MBD5: variants seen among roughly 807,000 people sequenced by gnomAD.
MBD5 encodes the protein methyl-CpG binding domain protein 5.
Under a neutral mutation model 117.3 loss-of-function variants are expected in MBD5, and 13 were observed. The observed-to-expected ratio is 0.11, with a 90% CI of 0.07 to 0.18. MBD5 has a LOEUF of 0.18. Ranked by LOEUF, MBD5 falls within the 10% of genes least tolerant of loss-of-function variation. The probability of loss-of-function intolerance (pLI) is 1.00; values close to 1 mark genes in which losing one functional copy is unlikely to be tolerated. For synonymous variants in MBD5, 727 were observed against 766.4 expected, an observed-to-expected ratio of 0.95 and a Z score of 0.85; for missense variants, 1,879 against 2,093.8, an observed-to-expected ratio of 0.90 and a Z score of 2.00.
At chr2:148,477,602 T>G (rs1026645708) in intron 8 of MBD5, among the ~76,000 whole-genome samples, 23 of 152,202 alleles carry the variant, frequency 1.5e-4, no homozygotes, top group African/African-American at 5.5e-4. Context: ...ATTATTGTTA[T>G]CATTAAAAAT....
intron 2 of MBD5, among the ~76,000 whole-genome samples, chr2:148,232,268 T>A (rs1462624903): frequency 6.6e-6 from 1 of 152,156 alleles, no homozygotes; most frequent in Non-Finnish European, 1.5e-5. Flanking sequence ...TTATGGAAAG[T>A]CTTTGGGGGA....
chr2:148,355,696 T>C (rs1468503302), intron 4 of MBD5, among the ~76,000 whole-genome samples: 2 of 152,206 alleles, frequency 1.3e-5, no homozygotes, highest in Non-Finnish European at 2.9e-5. Flanking sequence ...TGTAATATAG[T>C]TTGAAGTCCA....
chr2:148,378,876 A>G (rs1321483370), intron 4 of MBD5, among the ~76,000 whole-genome samples: 1 of 152,094 alleles, frequency 6.6e-6, no homozygotes, highest in East Asian at 1.9e-4. Flanking sequence ...AAAGTAACAA[A>G]TGTCTTGTGG....
intron 4 of MBD5, among the ~76,000 whole-genome samples, chr2:148,450,886 A>T (rs1268118184): frequency 6.6e-6 from 1 of 152,198 alleles, no homozygotes; most frequent in Non-Finnish European, 1.5e-5. Context: ...GCCTGGAATA[A>T]ATAAACTTAT....
intron 8 of MBD5, chr2:148,481,773 G>A (rs1681162066): frequency 2.6e-5 from 4 of 151,876 alleles, no homozygotes; most frequent in African/African-American, 7.3e-5. Context: ...AGTTTTCAGC[G>A]GGTCTGGGTT....
Position 148,042,403 on chromosome 2 carries a change from A to G in MBD5, c.-925+20719A>G, listed in dbSNP as rs182089618. On this transcript the variant is annotated intron_variant, in intron 1 of 13. Coordinates refer to ENST00000642680, the MANE Select transcript of MBD5 (RefSeq NM_001378120.1). ...AAAGGTATTTATGACTTACAGAAAAAAATTTCTCACAGCTATGAGTAAGCT... is the reference window on the plus strand; with the variant it reads ...AAAGGTATTTATGACTTACAGAAAAGAATTTCTCACAGCTATGAGTAAGCT... Among the ~76,000 whole-genome samples, 6 of 152,286 alleles carry G rather than the reference A, an allele frequency of 3.9e-5. No homozygotes were observed. In the East Asian group the frequency reaches 1.2e-3, roughly 29 times the overall value.
At chr2:148,072,223 G>A (rs564469240) in intron 1 of MBD5, among the ~76,000 whole-genome samples, 8 of 152,004 alleles carry the variant, frequency 5.3e-5, no homozygotes, top group Non-Finnish European at 1.0e-4. Context: ...AAATACCTTT[G>A]GGTAATTAGA....
chr2:148,283,336 G>A (rs80288826), intron 3 of MBD5, among the ~76,000 whole-genome samples: 17,785 of 152,066 alleles, frequency 0.12, 1,381 homozygotes, highest in Non-Finnish European at 0.18. Context: ...AAAACTCTCA[G>A]TGAGAGTTTT....
At chr2:148,235,957 C>T (rs1165724899) in intron 3 of MBD5, among the ~76,000 whole-genome samples, 1 of 152,006 alleles carries the variant, frequency 6.6e-6, no homozygotes, top group East Asian at 1.9e-4. Flanking sequence ...CGCTATCACA[C>T]CAGGCTAATT....
chr2:148,370,182 A>G (rs1703811956), intron 4 of MBD5, among the ~76,000 whole-genome samples: 1 of 152,220 alleles, frequency 6.6e-6, no homozygotes, highest in South Asian at 2.1e-4. Flanking sequence ...TGTATCATAA[A>G]TTACCATAAT....
At chr2:148,181,965 G>A (rs977173583) in intron 2 of MBD5, among the ~76,000 whole-genome samples, 1 of 151,748 alleles carries the variant, frequency 6.6e-6, no homozygotes, top group African/African-American at 2.4e-5. Flanking sequence ...TTTTGAAATA[G>A]ATTATTATAA....
chr2:148,151,913 T>C (rs1197801428), intron 1 of MBD5, among the ~76,000 whole-genome samples: 2 of 152,174 alleles, frequency 1.3e-5, no homozygotes, highest in Non-Finnish European at 2.9e-5. Context: ...CATTAATTTT[T>C]GAAGGGTTTT....
chr2:148,021,936 T>C (rs1693754481), intron 1 of MBD5, among the ~76,000 whole-genome samples: 1 of 152,068 alleles, frequency 6.6e-6, no homozygotes, highest in Non-Finnish European at 1.5e-5. Flanking sequence ...TAACATCTGA[T>C]TGTGTCTTGC....
intron 3 of MBD5, among the ~76,000 whole-genome samples, chr2:148,332,353 G>A (rs1311434083): frequency 2.6e-5 from 4 of 152,090 alleles, no homozygotes; most frequent in Non-Finnish European, 5.9e-5. Context: ...TAACTGTCTT[G>A]TCATTTGCTT....
At chr2:148,324,678 T>C (rs1574287744) in intron 3 of MBD5, among the ~76,000 whole-genome samples, 1 of 152,132 alleles carries the variant, frequency 6.6e-6, no homozygotes, top group Admixed American at 6.6e-5. Flanking sequence ...TTTTGTACAT[T>C]GATTTTGTAT....
At chr2:148,099,050 A>G (rs1696138924) in intron 1 of MBD5, among the ~76,000 whole-genome samples, 2 of 152,094 alleles carry the variant, frequency 1.3e-5, no homozygotes, top group African/African-American at 2.4e-5. Context: ...GCAAGACCTC[A>G]TCTCAAAAAG....
intron 3 of MBD5, among the ~76,000 whole-genome samples, chr2:148,246,756 T>G (rs1427577668): frequency 1.3e-5 from 1 of 74,818 alleles, no homozygotes; most frequent in African/African-American, 5.1e-5. Flanking sequence ...AGAGTGAGAC[T>G]CCATCTCAAA....
chr2:148,298,996 T>C (rs1251281122), intron 3 of MBD5, among the ~76,000 whole-genome samples: 1 of 152,166 alleles, frequency 6.6e-6, no homozygotes, highest in Non-Finnish European at 1.5e-5. Flanking sequence ...AACTTTCTCC[T>C]TTCCCCATCC....
At chr2:148,189,267 G>A (rs1698766484) in intron 2 of MBD5, among the ~76,000 whole-genome samples, 1 of 149,192 alleles carries the variant, frequency 6.7e-6, no homozygotes, top group Non-Finnish European at 1.5e-5. Flanking sequence ...AGCTCAAGGA[G>A]GCCTGCCTGC....
Sources: gnomAD v4.1 joint callset for allele counts (sites outside exome capture counted in the v4.1 genomes callset) on GRCh38, gnomAD v4.1.1 for gene constraint, MANE v1.5 for transcripts, NCBI Gene and HGNC (gene_info 2026-07-23, HGNC 2026-07-21) for gene names.